FARSB: variants seen among roughly 807,000 people sequenced by gnomAD.
FARSB encodes the protein phenylalanyl-tRNA synthetase subunit beta, also known as phenylalanine--tRNA ligase beta subunit.
In FARSB, 40 loss-of-function variants were observed where a neutral mutation model predicts 69.6. The observed-to-expected ratio is 0.57, with a 90% CI of 0.45 to 0.75. The LOEUF is 0.75. FARSB is among the 30% of genes least tolerant of loss of function. The probability of loss-of-function intolerance (pLI) is 0.00; values close to 1 mark genes in which losing one functional copy is unlikely to be tolerated. For missense variants in FARSB, 632 were observed against 722.9 expected (o/e 0.87, Z 1.44); for synonymous variants, 235 against 247.2 (o/e 0.95, Z 0.46).
At chr2:222,621,503 A>G (rs767904459) in intron 13 of FARSB, among the ~76,000 whole-genome samples, 10 of 152,186 alleles carry the variant, frequency 6.6e-5, no homozygotes, top group Non-Finnish European at 1.5e-4. Flanking sequence ...GATTACAGGC[A>G]TGAGCCACCA....
intron 2 of FARSB, among the ~76,000 whole-genome samples, chr2:222,645,105 T>C (rs545262404): frequency 6.6e-6 from 1 of 151,756 alleles, no homozygotes; most frequent in Non-Finnish European, 1.5e-5. Context: ...TTACAGAAAT[T>C]TAAAATCACA....
chr2:222,635,602 T>C (rs1691558452), intron 5 of FARSB, among the ~76,000 whole-genome samples: 1 of 152,202 alleles, frequency 6.6e-6, no homozygotes, highest in African/African-American at 2.4e-5. Flanking sequence ...AGAAAGTCTG[T>C]CTTCTTAGAT....
chr2:222,592,893 T>C (rs1379835797), intron 16 of FARSB, among the ~76,000 whole-genome samples: 3 of 151,966 alleles, frequency 2.0e-5, no homozygotes, highest in Admixed American at 2.0e-4. Context: ...CTGAGTAGCA[T>C]GATGAAAAAC....
At chr2:222,586,263 C>G (rs1690109626) in intron 16 of FARSB, among the ~76,000 whole-genome samples, 1 of 152,136 alleles carries the variant, frequency 6.6e-6, no homozygotes, top group Non-Finnish European at 1.5e-5. Context: ...CCAAACTAAG[C>G]TCCATAAGTG....
Position 222,619,665 on chromosome 2 carries a change from G to T in FARSB, c.1324C>A (p.Pro442Thr). Residue 442 changes from proline (P) to threonine (T), a missense_variant, in exon 14 of 17, where the codon CCT (proline) becomes ACT (threonine). By Grantham distance (38) the Pro-to-Thr change is conservative (BLOSUM62 -1). Transcript: ENST00000281828. The part of the protein sequence containing the change: ...SATKAVHISN[P>T]KTAEFQVART... ...CTTACCTGAAATTCAGCTGTTTTAG[G>T]ATTACTTATGTGGACTGCCTTTGTT... 1 of 1,593,342 alleles carries T rather than the reference G, an allele frequency of 6.3e-7. No individual in the cohort carries two copies. Among genetic ancestry groups the T allele is most frequent in the Non-Finnish European group, 8.6e-7 (1 of 1,161,758 alleles).
In FARSB at chr2:222,587,273, A is replaced by G. The variant is rs929244937; in HGVS notation, c.1618+12655T>C. Among the ~76,000 whole-genome samples, 4 of 152,218 alleles carry G rather than the reference A, an allele frequency of 2.6e-5. No homozygotes were observed. The South Asian group carries it at 6.2e-4, about 24-fold the overall frequency. Reference sequence around the variant, plus strand: ...TGAATGACTACTGGGTACCTAACGAAATGAAGTCATTAATAAAGATGTTCT... The same window carrying G: ...TGAATGACTACTGGGTACCTAACGAGATGAAGTCATTAATAAAGATGTTCT... On this transcript the variant is annotated intron_variant, in intron 16 of 16. Coordinates refer to ENST00000281828, the MANE Select transcript of FARSB (RefSeq NM_005687.5).
chr2:222,655,904 T>C, intron 1 of FARSB, 112 bp downstream of exon 1: 1 of 863,368 alleles, frequency 1.2e-6, no homozygotes, highest in Non-Finnish European at 1.9e-6. Context: ...AACCCCGGCC[T>C]CCCGGAGCCA....
intron 14 of FARSB, among the ~76,000 whole-genome samples, chr2:222,617,682 G>A (rs1384989116): frequency 7.9e-5 from 12 of 152,128 alleles, no homozygotes; most frequent in Admixed American, 3.3e-4. Flanking sequence ...CCGGGAGTTC[G>A]AGACCAGCCT....
At position 222,630,137 on chromosome 2, in the gene FARSB, C is replaced by T. The variant is rs751321760; in HGVS notation, c.824G>A (p.Ser275Asn). 3.8e-6 allele frequency: 6 copies of T among 1,560,260 alleles called. No homozygotes were observed. Among genetic ancestry groups the T allele is most frequent in the Non-Finnish European group, 5.2e-6 (6 of 1,154,766 alleles). ...CGTAAATTGATTCTCACAATATTCA[C>T]TGAACATGGTGACAATAATATCAAG... is the stretch of plus-strand genomic sequence containing the variant. ...IVLDIIVTMF[S>N]EYCENQFTVE... Residue 275 changes from serine (S) to asparagine (N), a missense_variant, in exon 9 of 17, where the codon AGT becomes AAT. Transcript: ENST00000281828.
chr2:222,639,755 G>T, intron 4 of FARSB, 60 bp from the exon 5 acceptor site: 1 of 680,438 alleles, frequency 1.5e-6, no homozygotes, highest in African/African-American at 1.8e-5. Context: ...GTAATATCTT[G>T]TAATAGGAAG....
rs1203759893 is a variant in FARSB at position 222,649,605 on chromosome 2, A to T, written c.59-810T>A. ...AACTTTCTTGGTATCTTGTGTCAAC[A>T]TTACAGCTGCCTCATCTATAAAATG... On this transcript the variant is annotated intron_variant, in intron 1 of 16. Transcript: ENST00000281828. Among the ~76,000 whole-genome samples, 3 of 152,370 alleles carry T rather than the reference A, an allele frequency of 2.0e-5. No homozygotes were observed. In the East Asian group the frequency reaches 5.8e-4, roughly 29 times the overall value.
At chr2:222,632,157 A>G (rs1691448025) in intron 7 of FARSB, among the ~76,000 whole-genome samples, 1 of 152,134 alleles carries the variant, frequency 6.6e-6, no homozygotes, top group African/African-American at 2.4e-5. Flanking sequence ...AAAAAAACCT[A>G]ACATCTTAAG....
rs1574947653 is a variant in FARSB at position 222,635,905 on chromosome 2, C to G, written c.456-1364G>C. Among the ~76,000 whole-genome samples, 3 of 152,020 alleles carry G rather than the reference C, an allele frequency of 2.0e-5. No individual in the cohort carries two copies. The South Asian group carries it at 6.2e-4, about 32-fold the overall frequency. On this transcript the variant is annotated intron_variant, in intron 5 of 16. Transcript: ENST00000281828. ...GACCAGCCTGGGCAACATGGTGAGA[C>G]CCCATCTCCACAAAAAATGTAAAAA...
intron 15 of FARSB, among the ~76,000 whole-genome samples, chr2:222,601,061 C>CT (rs34395755): frequency 0.27 from 40,651 of 152,006 alleles, 5,786 homozygotes; most frequent in Middle Eastern, 0.44. Flanking sequence ...TATGAAGTAT[C>CT]TAAGTCATGA....
At chr2:222,572,644 A>G (rs12694580) in intron 16 of FARSB, among the ~76,000 whole-genome samples, 132,500 of 152,146 alleles carry the variant, frequency 0.87, 57,844 homozygotes, top group East Asian at 0.97. Flanking sequence ...AGCAGTTCTG[A>G]AGCATCTACT....
intron 14 of FARSB, 74 bp downstream of exon 14, chr2:222,619,571 C>A: frequency 1.4e-6 from 1 of 732,308 alleles, no homozygotes; most frequent in Non-Finnish European, 2.5e-6. Flanking sequence ...GGTATAATAA[C>A]TGAAGAGACT....
rs769453855 is a variant in FARSB, at chr2:222,623,670, C to T, written c.1231G>A (p.Glu411Lys). ...CATACCAGGGCAAAGGTAAGTGCTT[C>T]AGTGAAGCCAGCGGCTGCCATGTCA... ...RHDMAAAGFT[E>K]ALTFALCSQE... The change falls in exon 13 of 17, where the codon GAA becomes AAA. Residue 411 changes from glutamate to lysine, a missense_variant. Coordinates refer to ENST00000281828, the MANE Select transcript of FARSB (RefSeq NM_005687.5). 2.5e-6 allele frequency: 4 copies of T among 1,608,282 alleles called. No homozygotes were observed. Among genetic ancestry groups the T allele is most frequent in the Non-Finnish European group, 3.4e-6 (4 of 1,174,856 alleles).
intron 15 of FARSB, among the ~76,000 whole-genome samples, chr2:222,604,876 A>G (rs1690659733): frequency 6.6e-6 from 1 of 151,982 alleles, no homozygotes. Flanking sequence ...CCAGACCTCA[A>G]TAATTATTTT....
chr2:222,615,386 CT>C (rs1207290475), intron 14 of FARSB, among the ~76,000 whole-genome samples: 14 of 152,310 alleles, frequency 9.2e-5, no homozygotes, highest in African/African-American at 3.4e-4. Flanking sequence ...TGCAACTCCC[CT>C]GGTCAAAAAT....
Sources: allele counts gnomAD v4.1 joint callset (sites outside exome capture counted in the v4.1 genomes callset), GRCh38; gene constraint gnomAD v4.1.1; transcripts MANE v1.5; gene names NCBI Gene and HGNC (gene_info 2026-07-23, HGNC 2026-07-21).